Variants in SHISA9 observed in about 807,000 individuals in gnomAD.
SHISA9 encodes shisa family member 9, also known as protein shisa-9.
In SHISA9, 13 loss-of-function variants were observed where a neutral mutation model predicts 38.0. That is an observed-to-expected ratio of 0.34 (90% CI 0.22 to 0.54). The LOEUF is 0.54. Among genes scored for constraint, SHISA9 ranks in the 20% least tolerant of loss-of-function variants. The probability of loss-of-function intolerance (pLI) is 0.91; values close to 1 mark genes in which losing one functional copy is unlikely to be tolerated. For synonymous variants in SHISA9, 275 were observed against 242.0 expected, an observed-to-expected ratio of 1.14 and a Z score of -1.27; for missense variants, 538 against 575.8, an observed-to-expected ratio of 0.93 and a Z score of 0.67.
intron 2 of SHISA9, among the ~76,000 whole-genome samples, chr16:13,177,547 A>G (rs1052275913): frequency 6.8e-6 from 1 of 146,776 alleles, no homozygotes; most frequent in Non-Finnish European, 1.6e-5. Context: ...TATTTTTTTT[A>G]AAAAGCGCAA....
chr16:13,482,377 T>C, the SHISA9 span, among the ~76,000 whole-genome samples: 2 of 152,244 alleles, frequency 1.3e-5, no homozygotes, highest in African/African-American at 4.8e-5. Context: ...CTGCCTTCTG[T>C]TATTACCCCA....
At chr16:13,127,133 A>G (rs1458421537) in intron 2 of SHISA9, among the ~76,000 whole-genome samples, 1 of 137,174 alleles carries the variant, frequency 7.3e-6, no homozygotes, top group East Asian at 2.5e-4. Context: ...AGAGGGAGGG[A>G]GAGAGAGAGA....
At chr16:13,378,790 A>G in the SHISA9 span, among the ~76,000 whole-genome samples, 2,023 of 152,324 alleles carry the variant, frequency 0.013, 38 homozygotes, top group African/African-American at 0.044. Context: ...TGAGTGTTCA[A>G]TAACAAGGTG....
chr16:13,062,108 C>T (rs532387720), intron 2 of SHISA9, among the ~76,000 whole-genome samples: 2 of 152,122 alleles, frequency 1.3e-5, no homozygotes, highest in African/African-American at 4.8e-5. Context: ...TACAGGACCC[C>T]CAGATAAATT....
chr16:13,271,801 G>T, the SHISA9 span, among the ~76,000 whole-genome samples: 3 of 152,096 alleles, frequency 2.0e-5, no homozygotes. Context: ...AATGTTCTAG[G>T]CTGGGTGTGG....
chr16:13,246,419 T>G, the SHISA9 span: 5,678 of 152,358 alleles, frequency 0.037, 171 homozygotes, highest in African/African-American at 0.082. Flanking sequence ...TTTTTCTTTA[T>G]AAATTTCCTA....
At chr16:13,213,332 C>T (rs774040880) in intron 4 of SHISA9, 32 bp downstream of exon 4, 193 of 1,545,712 alleles carry the variant, frequency 1.2e-4, no homozygotes, top group Non-Finnish European at 1.5e-4. Flanking sequence ...CTCTTTTGTC[C>T]AGGTGTTGTC....
chr16:13,552,285 G>A, the SHISA9 span, among the ~76,000 whole-genome samples: 1 of 152,088 alleles, frequency 6.6e-6, no homozygotes, highest in African/African-American at 2.4e-5. Context: ...TCTCCCCGGT[G>A]GTTCCCCATC....
At chr16:13,083,427 A>G (rs2073676270) in intron 2 of SHISA9, among the ~76,000 whole-genome samples, 1 of 152,198 alleles carries the variant, frequency 6.6e-6, no homozygotes, top group African/African-American at 2.4e-5. Context: ...CTAGAAGCAG[A>G]GTTTGAGATG....
the SHISA9 span, among the ~76,000 whole-genome samples, chr16:13,379,690 C>T: frequency 9.2e-5 from 14 of 152,210 alleles, no homozygotes; most frequent in East Asian, 1.9e-4. Flanking sequence ...CGAATTCCTC[C>T]GCGGTGGGCA....
At chr16:13,109,984 A>G (rs1002446211) in intron 2 of SHISA9, among the ~76,000 whole-genome samples, 6 of 152,184 alleles carry the variant, frequency 3.9e-5, no homozygotes, top group African/African-American at 7.2e-5. Context: ...CCTTTTGTGG[A>G]CACATGTTTT....
At chr16:13,504,000 TA>T in the SHISA9 span, among the ~76,000 whole-genome samples, 2 of 152,178 alleles carry the variant, frequency 1.3e-5, no homozygotes, top group East Asian at 3.9e-4. Flanking sequence ...ATATATTCCT[TA>T]ATCAAATACC....
intron 2 of SHISA9, among the ~76,000 whole-genome samples, chr16:12,993,669 C>G (rs1410650155): frequency 6.6e-6 from 1 of 152,106 alleles, no homozygotes. Flanking sequence ...TAGCAGGAGG[C>G]ACACATCAAG....
In SHISA9 at chr16:13,235,531, A is replaced by C; in HGVS notation, c.*122A>C. The C allele has an allele frequency of 8.1e-7, 1 of 1,240,084 alleles. No homozygotes were observed. The highest frequency in any genetic ancestry group is 1.1e-6 in the Non-Finnish European group (1 of 919,780). 76.8% of individuals were successfully genotyped at this position (1,240,084 alleles called of 1,614,324 possible). On this transcript the variant is annotated 3_prime_UTR_variant, in exon 5 of 5. Coordinates refer to ENST00000558583, the MANE Select transcript of SHISA9 (RefSeq NM_001145204.3). Reference sequence around the variant, plus strand: ...GTCCACACACTCACTCTCAACAAGAACCAACTCTAAACCTACTGGGGACAC... The same window carrying C: ...GTCCACACACTCACTCTCAACAAGACCCAACTCTAAACCTACTGGGGACAC...
chr16:13,229,825 C>T (rs932597992), intron 4 of SHISA9, among the ~76,000 whole-genome samples: 5 of 152,134 alleles, frequency 3.3e-5, no homozygotes, highest in African/African-American at 1.2e-4. Context: ...ATGAGGGAGG[C>T]AATATCTCAG....
chr16:13,377,388 A>G, the SHISA9 span, among the ~76,000 whole-genome samples: 901 of 152,296 alleles, frequency 5.9e-3, 14 homozygotes, highest in African/African-American at 0.021. Context: ...CCAATCATTC[A>G]TTTACATTTC....
At chr16:13,110,963 T>C (rs1010087756) in intron 2 of SHISA9, among the ~76,000 whole-genome samples, 4 of 152,122 alleles carry the variant, frequency 2.6e-5, no homozygotes, top group African/African-American at 9.7e-5. Context: ...AACTCAGACA[T>C]ACAAGAGATG....
intron 2 of SHISA9, among the ~76,000 whole-genome samples, chr16:13,112,694 C>T (rs952343298): frequency 2.6e-5 from 4 of 151,946 alleles, no homozygotes; most frequent in Non-Finnish European, 5.9e-5. Context: ...GTGGCTTCAT[C>T]TCTTATTTGG....
intron 2 of SHISA9, among the ~76,000 whole-genome samples, chr16:12,977,130 C>G (rs1469836559): frequency 6.6e-6 from 1 of 152,180 alleles, no homozygotes; most frequent in Non-Finnish European, 1.5e-5. Context: ...GTGTGACTCA[C>G]TGCAGTCTCT....
Sources: allele counts gnomAD v4.1 joint callset (sites outside exome capture counted in the v4.1 genomes callset), GRCh38; gene constraint gnomAD v4.1.1; transcripts MANE v1.5; gene names NCBI Gene and HGNC (gene_info 2026-07-23, HGNC 2026-07-21).